Variants in KCNIP1 observed in about 807,000 individuals in gnomAD.
KCNIP1 encodes the protein potassium voltage-gated channel interacting protein 1.
A neutral mutation model predicts 33.0 loss-of-function variants in KCNIP1; 18 were observed. The ratio of observed to expected loss-of-function variants is 0.55; its 90% CI spans 0.38 to 0.81. KCNIP1 has a LOEUF of 0.81. KCNIP1 is among the 30% of genes least tolerant of loss of function. The pLI is 0.00. For synonymous variants in KCNIP1, 93 were observed against 98.3 expected (o/e 0.95, Z 0.32); for missense variants, 238 against 271.6 (o/e 0.88, Z 0.87).
At chr5:170,390,517 A>AAAAAAAAAAAAAAAAAAAAAAATATATAT in intron 1 of KCNIP1, among the ~76,000 whole-genome samples, 1 of 74,548 alleles carries the variant, frequency 1.3e-5, no homozygotes, top group African/African-American at 6.4e-5. Context: ...AAAAAAAACA[A>AAAAAAAAAAAAAAAAAAAAAAATATATAT]ATATATATAT....
chr5:170,509,956 T>G (rs1437049384), intron 1 of KCNIP1, among the ~76,000 whole-genome samples: 1 of 152,224 alleles, frequency 6.6e-6, no homozygotes. Flanking sequence ...CTTGCCTGGG[T>G]GAGATCAGAA....
intron 1 of KCNIP1, among the ~76,000 whole-genome samples, chr5:170,610,467 G>A (rs1759101965): frequency 6.6e-6 from 1 of 152,190 alleles, no homozygotes; most frequent in African/African-American, 2.4e-5. Flanking sequence ...CACACAGCAT[G>A]ATGGGCTGGT....
At chr5:170,450,826 C>A (rs1027609274) in intron 1 of KCNIP1, among the ~76,000 whole-genome samples, 44 of 152,134 alleles carry the variant, frequency 2.9e-4, no homozygotes, top group African/African-American at 8.2e-4. Flanking sequence ...GCAAGCTGAG[C>A]GCTCATCACA....
chr5:170,387,671 T>C (rs1419704959), intron 1 of KCNIP1, among the ~76,000 whole-genome samples: 1 of 152,226 alleles, frequency 6.6e-6, no homozygotes, highest in Non-Finnish European at 1.5e-5. Flanking sequence ...ATTCAACTCT[T>C]TTTATTCAAT....
chr5:170,713,093 T>C (rs903753675), intron 1 of KCNIP1, among the ~76,000 whole-genome samples: 1 of 152,216 alleles, frequency 6.6e-6, no homozygotes, highest in Non-Finnish European at 1.5e-5. Flanking sequence ...AAGAAATGGT[T>C]ACGTTTTCCT....
intron 1 of KCNIP1, among the ~76,000 whole-genome samples, chr5:170,552,899 G>C (rs1319033121): frequency 6.6e-6 from 1 of 152,212 alleles, no homozygotes; most frequent in East Asian, 1.9e-4. Context: ...GTGGGGCCCA[G>C]AGCTTAGACT....
At position 170,731,619 on chromosome 5, in the gene KCNIP1, C is replaced by T. The variant is rs1291366209; in HGVS notation, c.436-1181C>T. 4.7e-5 allele frequency among the ~76,000 whole-genome samples: 7 copies of T among 150,120 alleles called. No homozygotes were observed. The South Asian group carries it at 8.4e-4, about 18-fold the overall frequency. On this transcript the variant is annotated intron_variant, in intron 5 of 7. Transcript: ENST00000328939. ...CTGAGGCGGGAGGATCACTTGAACC[C>T]GGGAGGTCGAGGCTGCAGTGACGGG...
intron 1 of KCNIP1, among the ~76,000 whole-genome samples, chr5:170,403,793 A>G (rs1754967357): frequency 6.6e-6 from 1 of 152,200 alleles, no homozygotes; most frequent in Non-Finnish European, 1.5e-5. Flanking sequence ...TTTACACTCC[A>G]AATGCCAGAT....
At chr5:170,448,388 T>C (rs1756168326) in intron 1 of KCNIP1, among the ~76,000 whole-genome samples, 1 of 152,220 alleles carries the variant, frequency 6.6e-6, no homozygotes, top group South Asian at 2.1e-4. Flanking sequence ...TACGCCCACA[T>C]CCCAGATCCT....
chr5:170,675,220 G>T (rs1581482808), intron 1 of KCNIP1, among the ~76,000 whole-genome samples: 1 of 151,926 alleles, frequency 6.6e-6, no homozygotes, highest in Non-Finnish European at 1.5e-5. Context: ...GATCACTCGA[G>T]CCCAGGGGGC....
chr5:170,736,042 T>C lies in KCNIP1; in HGVS notation c.*236T>C. Reference sequence around the variant, plus strand: ...TGAGAGAGACAAGATGAAATTTGAGTTTGTTTTGGAAGCATGCTCATCTCC... The same window carrying C: ...TGAGAGAGACAAGATGAAATTTGAGCTTGTTTTGGAAGCATGCTCATCTCC... On this transcript the variant is annotated 3_prime_UTR_variant, in exon 8 of 8. Coordinates refer to ENST00000328939, the MANE Select transcript of KCNIP1 (RefSeq NM_014592.4). The C allele has an allele frequency of 1.8e-6, 1 of 550,968 alleles. No individual in the cohort carries two copies. The allele number at this position is 550,968 out of a possible 1,614,324, so 34.1% of individuals were successfully genotyped here.
chr5:170,633,505 G>A (rs1194409027), intron 1 of KCNIP1, among the ~76,000 whole-genome samples: 3 of 150,266 alleles, frequency 2.0e-5, no homozygotes, highest in Non-Finnish European at 4.4e-5. Context: ...GCCTATGGCA[G>A]ACCCAAGCAG....
Position 170,585,854 on chromosome 5 carries a change from G to A in KCNIP1, c.61+81221G>A, listed in dbSNP as rs138784434. ...GCACGGCTGTCTCCCAGCCCTGGCC[G>A]TGCTTTAGAGCACTCTGCATCCCCA... On this transcript the variant is annotated intron_variant, in intron 1 of 7. Coordinates refer to ENST00000328939, the MANE Select transcript of KCNIP1 (RefSeq NM_014592.4). Among the ~76,000 whole-genome samples, 5 of 152,290 alleles carry A rather than the reference G, an allele frequency of 3.3e-5. No homozygotes were observed. The East Asian group carries it at 5.8e-4, about 18-fold the overall frequency.
At chr5:170,612,112 T>G (rs1013676847) in intron 1 of KCNIP1, among the ~76,000 whole-genome samples, 2 of 152,082 alleles carry the variant, frequency 1.3e-5, no homozygotes, top group Admixed American at 1.3e-4. Context: ...CCACAAGAGA[T>G]TCTCTGCAAC....
In KCNIP1 at chr5:170,504,444, A is replaced by G. The variant is rs1754623734; in HGVS notation, c.-129A>G. On this transcript the variant is annotated 5_prime_UTR_variant, in exon 1 of 8. Coordinates refer to ENST00000328939, the MANE Select transcript of KCNIP1 (RefSeq NM_014592.4). The surrounding 1 kb of genome is among the most constrained non-coding windows in gnomAD (Gnocchi z 6.0). Reference sequence around the variant, plus strand: ...CTCGCCTCCACGCTTGCTGAATACCAAGCTGCAGGCGAGCTGCCGGGCGCT... The same window carrying G: ...CTCGCCTCCACGCTTGCTGAATACCGAGCTGCAGGCGAGCTGCCGGGCGCT... 6.6e-7 allele frequency: 1 copy of G among 1,525,498 alleles called. No individual in the cohort carries two copies. Among genetic ancestry groups the G allele is most frequent in the Admixed American group, 2.1e-5 (1 of 47,686 alleles). The allele number at this position is 1,525,498 out of a possible 1,614,324, so 94.5% of individuals were successfully genotyped here.
chr5:170,440,310 C>T (rs1397165376), intron 1 of KCNIP1, among the ~76,000 whole-genome samples: 2 of 152,198 alleles, frequency 1.3e-5, no homozygotes, highest in Admixed American at 6.5e-5. Context: ...AACCAATACA[C>T]AAGGGCCCAG....
chr5:170,402,936 G>A (rs1754945649), intron 1 of KCNIP1, among the ~76,000 whole-genome samples: 1 of 152,200 alleles, frequency 6.6e-6, no homozygotes, highest in Admixed American at 6.5e-5. Context: ...GAGCATTTAA[G>A]TCACAGTTCA....
intron 1 of KCNIP1, among the ~76,000 whole-genome samples, chr5:170,495,656 CAT>C (rs1484955381): frequency 6.6e-6 from 1 of 152,244 alleles, no homozygotes; most frequent in Non-Finnish European, 1.5e-5. Context: ...CAACCAGTCA[CAT>C]ATTCTTCCAG....
intron 1 of KCNIP1, among the ~76,000 whole-genome samples, chr5:170,370,300 T>C (rs376368228): frequency 8.5e-5 from 13 of 152,212 alleles, no homozygotes; most frequent in African/African-American, 3.1e-4. Context: ...TGCTGAGTAC[T>C]TCACATTCAT....
Sources: gnomAD v4.1 joint callset for allele counts (sites outside exome capture counted in the v4.1 genomes callset) on GRCh38, gnomAD v4.1.1 for gene constraint, Gnocchi (gnomAD v3.1) non-coding constraint, MANE v1.5 for transcripts, NCBI Gene and HGNC (gene_info 2026-07-23, HGNC 2026-07-21) for gene names.